The following TSPAN5 variants were observed in gnomAD, a reference collection of about 807,000 sequenced individuals.
The protein encoded by TSPAN5 is tetraspanin-5.
TSPAN5 carries 10 observed loss-of-function variants against 37.1 expected under a neutral mutation model. The observed-to-expected ratio is 0.27, with a 90% CI of 0.17 to 0.46. The LOEUF is 0.46. Ranked by LOEUF, TSPAN5 falls within the 20% of genes least tolerant of loss-of-function variation. TSPAN5 has a pLI of 1.00. For missense variants in TSPAN5, 195 were observed against 326.6 expected, an observed-to-expected ratio of 0.60 and a Z score of 3.11; for synonymous variants, 110 against 118.9, an observed-to-expected ratio of 0.93 and a Z score of 0.48.
At chr4:98,522,711 C>T (rs1753881346) in intron 1 of TSPAN5, among the ~76,000 whole-genome samples, 1 of 152,186 alleles carries the variant, frequency 6.6e-6, no homozygotes, top group African/African-American at 2.4e-5. Context: ...ATAACCTCCA[C>T]ATAAAATGTT....
At chr4:98,557,903 CTG>C (rs1291919879) in intron 1 of TSPAN5, among the ~76,000 whole-genome samples, 1 of 152,146 alleles carries the variant, frequency 6.6e-6, no homozygotes, top group African/African-American at 2.4e-5. Context: ...TTCCTCAAAA[CTG>C]TCAAGATCAT....
intron 1 of TSPAN5, among the ~76,000 whole-genome samples, chr4:98,609,975 C>A (rs1235063405): frequency 6.6e-6 from 1 of 152,182 alleles, no homozygotes; most frequent in African/African-American, 2.4e-5. Flanking sequence ...TTAACACAAA[C>A]AGGCTAATAT....
At chr4:98,581,490 CTT>C (rs1214073394) in intron 1 of TSPAN5, among the ~76,000 whole-genome samples, 2 of 152,212 alleles carry the variant, frequency 1.3e-5, no homozygotes, top group Non-Finnish European at 2.9e-5. Flanking sequence ...CAACTCTGCT[CTT>C]GTCTCCTTGT....
chr4:98,587,819 G>A (rs911892552), intron 1 of TSPAN5, among the ~76,000 whole-genome samples: 11 of 152,216 alleles, frequency 7.2e-5, no homozygotes, highest in African/African-American at 2.2e-4. Context: ...AACTGAGGAG[G>A]CGAAGGCAGC....
At chr4:98,655,584 T>C (rs2110296458) in intron 1 of TSPAN5, among the ~76,000 whole-genome samples, 1 of 152,230 alleles carries the variant, frequency 6.6e-6, no homozygotes, top group East Asian at 1.9e-4. Context: ...AGTCTAGCAG[T>C]TCAGTGTGAA....
intron 1 of TSPAN5, among the ~76,000 whole-genome samples, chr4:98,521,654 A>T (rs1034799295): frequency 6.6e-6 from 1 of 152,140 alleles, no homozygotes; most frequent in Non-Finnish European, 1.5e-5. Flanking sequence ...TCCACAGAAG[A>T]GTTTGGTGTC....
At chr4:98,624,045 T>C (rs13148540) in intron 1 of TSPAN5, among the ~76,000 whole-genome samples, 20,617 of 152,148 alleles carry the variant, frequency 0.14, 2,032 homozygotes, top group African/African-American at 0.27. Flanking sequence ...TCTAATTATA[T>C]TACCAAATTG....
chr4:98,635,625 G>A (rs529189170), intron 1 of TSPAN5, among the ~76,000 whole-genome samples: 19 of 152,238 alleles, frequency 1.2e-4, no homozygotes, highest in African/African-American at 2.9e-4. Flanking sequence ...AGACCATCAG[G>A]TGGAAAATAA....
chr4:98,512,510 G>A (rs902916384), intron 1 of TSPAN5, among the ~76,000 whole-genome samples: 4 of 152,214 alleles, frequency 2.6e-5, no homozygotes, highest in Non-Finnish European at 5.9e-5. Flanking sequence ...CATAGCAGAA[G>A]GACAGCCGGC....
Position 98,472,302 on chromosome 4 carries a change from G to GTTATTA in TSPAN5, c.*219_*220insTAATAA. ...TCCATAAATTCATGGCTACAGTAGA[G>GTTATTA]ATTCACGGCGCAACGACTTTCATAC... is the stretch of plus-strand genomic sequence containing the variant. On this transcript the variant is annotated 3_prime_UTR_variant, in exon 8 of 8. Coordinates refer to ENST00000305798, the MANE Select transcript of TSPAN5 (RefSeq NM_005723.4). The GTTATTA allele has an allele frequency of 2.3e-6, 1 of 439,990 alleles. No individual in the cohort carries two copies. The allele number at this position is 439,990 out of a possible 1,614,324, so 27.3% of individuals were successfully genotyped here.
At chr4:98,634,220 T>C (rs6532755) in intron 1 of TSPAN5, among the ~76,000 whole-genome samples, 85,637 of 152,058 alleles carry the variant, frequency 0.56, 25,062 homozygotes, top group African/African-American at 0.72. Context: ...CAGGCAAATA[T>C]ACATGGGAGT....
At chr4:98,550,292 A>C (rs1754580912) in intron 1 of TSPAN5, among the ~76,000 whole-genome samples, 1 of 152,242 alleles carries the variant, frequency 6.6e-6, no homozygotes, top group East Asian at 1.9e-4. Flanking sequence ...ATAGCTTTGT[A>C]GTGTAATTTC....
In TSPAN5 at chr4:98,651,642, A is replaced by G. The variant is rs549847946; in HGVS notation, c.81+6504T>C. On this transcript the variant is annotated intron_variant, in intron 1 of 7. Transcript: ENST00000305798. ...TCCTATTGGTTTAATGTTTCCAAATAAAAATTTTAAATGAACAGTAAATTA... is the reference window on the plus strand; with the variant it reads ...TCCTATTGGTTTAATGTTTCCAAATGAAAATTTTAAATGAACAGTAAATTA... Among the ~76,000 whole-genome samples, 43 of 152,342 alleles carry G rather than the reference A, an allele frequency of 2.8e-4. No individual in the cohort carries two copies. In the Middle Eastern group the frequency reaches 0.02, roughly 72 times the overall value.
At chr4:98,488,532 GGTT>G (rs1312784865) in intron 2 of TSPAN5, among the ~76,000 whole-genome samples, 52 of 152,154 alleles carry the variant, frequency 3.4e-4, no homozygotes, top group Non-Finnish European at 5.1e-4. Context: ...TTAGGATTGA[GGTT>G]GTATTCATTA....
chr4:98,631,176 C>T (rs1389027538), intron 1 of TSPAN5, among the ~76,000 whole-genome samples: 2 of 152,160 alleles, frequency 1.3e-5, no homozygotes, highest in African/African-American at 2.4e-5. Context: ...CTGAATCGCT[C>T]GACTGGCAAA....
At chr4:98,630,510 G>A (rs1049580234) in intron 1 of TSPAN5, among the ~76,000 whole-genome samples, 10 of 152,106 alleles carry the variant, frequency 6.6e-5, no homozygotes, top group African/African-American at 9.7e-5. Context: ...ATTGTCATCC[G>A]AGGCACGCAT....
chr4:98,630,632 G>A (rs557185193), intron 1 of TSPAN5, among the ~76,000 whole-genome samples: 8 of 152,252 alleles, frequency 5.3e-5, no homozygotes, highest in African/African-American at 1.7e-4. Context: ...GGAATCCAAC[G>A]CCAAGCTTCC....
chr4:98,622,850 G>A (rs1344930951), intron 1 of TSPAN5, among the ~76,000 whole-genome samples: 3 of 152,076 alleles, frequency 2.0e-5, no homozygotes, highest in Non-Finnish European at 4.4e-5. Flanking sequence ...AATGAGTGGT[G>A]GGACAGAAGA....
intron 5 of TSPAN5, among the ~76,000 whole-genome samples, chr4:98,477,306 G>T (rs1331972178): frequency 6.6e-6 from 1 of 152,194 alleles, no homozygotes; most frequent in Non-Finnish European, 1.5e-5. Context: ...GGTGGGAAGG[G>T]CAGCTGGCGG....
Sources: allele counts gnomAD v4.1 joint callset (sites outside exome capture counted in the v4.1 genomes callset), GRCh38; gene constraint gnomAD v4.1.1; transcripts MANE v1.5; gene names NCBI Gene and HGNC (gene_info 2026-07-23, HGNC 2026-07-21).